AGBL4: variants seen among roughly 807,000 people sequenced by gnomAD.
AGBL4 encodes AGBL carboxypeptidase 4.
A neutral mutation model predicts 66.4 loss-of-function variants in AGBL4; 58 were observed. That is an observed-to-expected ratio of 0.87 (90% CI 0.71 to 1.09). The LOEUF is 1.09. Ranked by LOEUF, AGBL4 falls within the 50% of genes least tolerant of loss-of-function variation. The pLI is 0.00. For synonymous variants in AGBL4, 234 were observed against 222.9 expected, an observed-to-expected ratio of 1.05 and a Z score of -0.44; for missense variants, 579 against 631.0, an observed-to-expected ratio of 0.92 and a Z score of 0.88.
intron 4 of AGBL4, among the ~76,000 whole-genome samples, chr1:49,129,062 A>T (rs1645827419): frequency 6.6e-6 from 1 of 151,996 alleles, no homozygotes; most frequent in Non-Finnish European, 1.5e-5. Context: ...TAGACATTTT[A>T]ACAAAACCCA....
At chr1:48,647,234 G>C (rs189867802) in intron 8 of AGBL4, among the ~76,000 whole-genome samples, 112 of 152,268 alleles carry the variant, frequency 7.4e-4, no homozygotes, top group African/African-American at 2.6e-3. Flanking sequence ...ACCACCCATA[G>C]AGGTCCGTTC....
intron 3 of AGBL4, among the ~76,000 whole-genome samples, chr1:49,256,925 C>T (rs949736736): frequency 5.9e-5 from 9 of 151,992 alleles, no homozygotes; most frequent in African/African-American, 1.7e-4. Flanking sequence ...ATGGAACAAA[C>T]CAAGCTGGGT....
intron 6 of AGBL4, among the ~76,000 whole-genome samples, chr1:48,780,439 A>G (rs1645265913): frequency 6.6e-6 from 1 of 152,182 alleles, no homozygotes; most frequent in Non-Finnish European, 1.5e-5. Context: ...TTTAAATTTC[A>G]TATGGAACCA....
chr1:48,673,582 A>T (rs1385016990), intron 6 of AGBL4, among the ~76,000 whole-genome samples: 1 of 152,244 alleles, frequency 6.6e-6, no homozygotes, highest in African/African-American at 2.4e-5. Flanking sequence ...TAAAGAGTGT[A>T]ATTTTTTTCT....
chr1:49,761,716 C>T (rs970334939), intron 2 of AGBL4, among the ~76,000 whole-genome samples: 4 of 152,104 alleles, frequency 2.6e-5, no homozygotes, highest in Non-Finnish European at 5.9e-5. Flanking sequence ...TTCAAAAAAC[C>T]TCTCTTATAG....
At chr1:48,713,137 G>A (rs865786862) in intron 6 of AGBL4, among the ~76,000 whole-genome samples, 1 of 152,216 alleles carries the variant, frequency 6.6e-6, no homozygotes, top group South Asian at 2.1e-4. Context: ...CTCTTGAGCA[G>A]TTCTTGTCTG....
At chr1:49,531,230 A>G (rs1297298385) in intron 3 of AGBL4, among the ~76,000 whole-genome samples, 2 of 152,122 alleles carry the variant, frequency 1.3e-5, no homozygotes, top group Non-Finnish European at 2.9e-5. Flanking sequence ...TGCTGAGAAG[A>G]GTGCACTGGG....
intron 6 of AGBL4, chr1:48,761,152 T>C: frequency 3.2e-6 from 2 of 619,698 alleles, no homozygotes; most frequent in Non-Finnish European, 5.5e-6. Flanking sequence ...CAGGGCTCTC[T>C]AGAAAGTTGG....
At chr1:49,280,473 C>T (rs114267477) in intron 3 of AGBL4, among the ~76,000 whole-genome samples, 51 of 152,282 alleles carry the variant, frequency 3.3e-4, no homozygotes, top group African/African-American at 1.2e-3. Flanking sequence ...CAGTCAAATA[C>T]ACATTCTAGA....
At chr1:49,809,474 T>G (rs1445468696) in intron 2 of AGBL4, among the ~76,000 whole-genome samples, 14 of 152,150 alleles carry the variant, frequency 9.2e-5, no homozygotes, top group Admixed American at 9.2e-4. Context: ...ATAGCAGAAC[T>G]ATGAACTTAC....
chr1:48,657,441 T>C (rs1370030873), intron 7 of AGBL4, among the ~76,000 whole-genome samples: 1 of 152,130 alleles, frequency 6.6e-6, no homozygotes. Flanking sequence ...GAGAGCTCCA[T>C]CCGGCTGCAG....
chr1:49,905,111 A>G (rs972156055), intron 1 of AGBL4, among the ~76,000 whole-genome samples: 1 of 152,210 alleles, frequency 6.6e-6, no homozygotes, highest in Non-Finnish European at 1.5e-5. Context: ...TCATGGCATC[A>G]CTTCACAGTA....
At chr1:48,714,151 C>G (rs1424918328) in intron 6 of AGBL4, among the ~76,000 whole-genome samples, 1 of 152,192 alleles carries the variant, frequency 6.6e-6, no homozygotes, top group Non-Finnish European at 1.5e-5. Flanking sequence ...TAGGCCATCA[C>G]CTGTCTTACT....
intron 7 of AGBL4, among the ~76,000 whole-genome samples, chr1:48,657,507 G>A (rs1310624429): frequency 2.0e-5 from 3 of 152,242 alleles, no homozygotes; most frequent in Non-Finnish European, 2.9e-5. Context: ...CCTGAAGGCA[G>A]GACAGAGGTG....
chr1:49,285,018 C>T (rs546291265), intron 3 of AGBL4, among the ~76,000 whole-genome samples: 28 of 151,380 alleles, frequency 1.8e-4, no homozygotes, highest in African/African-American at 4.4e-4. Context: ...CTGCACCAAG[C>T]GGACCTAATA....
intron 6 of AGBL4, among the ~76,000 whole-genome samples, chr1:48,760,102 A>G (rs916031821): frequency 1.3e-5 from 2 of 152,192 alleles, no homozygotes; most frequent in Admixed American, 6.5e-5. Context: ...TTCCAGTACA[A>G]GGCTCCTTCC....
intron 4 of AGBL4, among the ~76,000 whole-genome samples, chr1:49,182,236 A>G (rs1024659537): frequency 6.6e-6 from 1 of 152,192 alleles, no homozygotes; most frequent in Non-Finnish European, 1.5e-5. Context: ...CAGAGTTCCA[A>G]AAAGAACAGA....
At chr1:49,094,023 T>C (rs114755594) in intron 4 of AGBL4, among the ~76,000 whole-genome samples, 4,263 of 152,150 alleles carry the variant, frequency 0.028, 69 homozygotes, top group Non-Finnish European at 0.043. Flanking sequence ...ATACAGAAAG[T>C]GTGACTTTTC....
intron 4 of AGBL4, among the ~76,000 whole-genome samples, chr1:49,062,228 C>G (rs1016756058): frequency 6.6e-6 from 1 of 152,146 alleles, no homozygotes; most frequent in African/African-American, 2.4e-5. Context: ...GGCTGGGGAC[C>G]ACTGCTCTAG....
Sources: allele counts gnomAD v4.1 joint callset (sites outside exome capture counted in the v4.1 genomes callset), GRCh38; gene constraint gnomAD v4.1.1; transcripts MANE v1.5; gene names NCBI Gene and HGNC (gene_info 2026-07-23, HGNC 2026-07-21).